Variants in PIGB observed in about 807,000 individuals in gnomAD.
PIGB encodes the protein GPI alpha-1,2-mannosyltransferase 3.
In PIGB, 58 loss-of-function variants were observed where a neutral mutation model predicts 68.4. That is an observed-to-expected ratio of 0.85 (90% CI 0.69 to 1.06). The LOEUF (loss-of-function observed/expected upper bound fraction) is 1.06, where lower values mean the gene tolerates loss of function less well. Among genes scored for constraint, PIGB ranks in the 50% least tolerant of loss-of-function variants. The pLI is 0.00. For missense variants in PIGB, 634 were observed against 655.8 expected (o/e 0.97, Z 0.36); for synonymous variants, 219 against 220.5 (o/e 0.99, Z 0.06).
chr15:55,343,177 T>C (rs1182076375), intron 9 of PIGB: 1 of 152,190 alleles, frequency 6.6e-6, no homozygotes, highest in East Asian at 1.9e-4. Flanking sequence ...TTTTGATACA[T>C]CTGAAGTTCT....
intron 6 of PIGB, among the ~76,000 whole-genome samples, chr15:55,334,336 A>G (rs1358668057): frequency 6.6e-6 from 1 of 152,208 alleles, no homozygotes; most frequent in Non-Finnish European, 1.5e-5. Context: ...GTGTTTTCAC[A>G]TATTACCTCA....
intron 10 of PIGB, chr15:55,351,951 CTT>C (rs551615501): frequency 1.5e-3 from 193 of 126,914 alleles, no homozygotes; most frequent in Middle Eastern, 3.8e-3. Flanking sequence ...AACTAGACTT[CTT>C]TTTTTTTTTT....
chr15:55,336,418 C>A (rs2055537147), intron 6 of PIGB, among the ~76,000 whole-genome samples: 1 of 151,926 alleles, frequency 6.6e-6, no homozygotes. Context: ...AGAAAATATT[C>A]TACGTCAAAA....
At chr15:55,355,073 G>T in intron 11 of PIGB, 95 bp downstream of exon 11, 1 of 1,097,732 alleles carries the variant, frequency 9.1e-7, no homozygotes, top group South Asian at 1.5e-5. Context: ...CCTTTTTATG[G>T]TCTGTTTCAA....
Position 55,355,034 on chromosome 15 carries a change from G to A in PIGB, c.1518+56G>A. ...GTATTTTAATTTTACCCCAGGTTTAGGAAACCCTCAGGTAAATAGATAATA... is the reference window on the plus strand; with the variant it reads ...GTATTTTAATTTTACCCCAGGTTTAAGAAACCCTCAGGTAAATAGATAATA... On this transcript the variant is annotated intron_variant, in intron 11 of 11. Transcript: ENST00000164305. The A allele has an allele frequency of 4.3e-6, 6 of 1,402,538 alleles. 1 individual carries two copies. In the South Asian group the frequency reaches 7.7e-5, roughly 18 times the overall value. The allele number at this position is 1,402,538 out of a possible 1,614,324, so 86.9% of individuals were successfully genotyped here. A position where few individuals can be genotyped will look rare whatever the true frequency, so the allele number is the denominator to read the frequency against.
chr15:55,321,457 T>TGGGGGAGGAGCCAAGATG, intron 3 of PIGB, 67 bp downstream of exon 3: 1 of 1,358,540 alleles, frequency 7.4e-7, no homozygotes, highest in Non-Finnish European at 1.0e-6. Context: ...AGGCTACTGT[T>TGGGGGAGGAGCCAAGATG]GCTGAAGTCC....
chr15:55,321,295 T>C lies in PIGB; in HGVS notation c.322T>C (p.Trp108Arg). ...VFNYGYLTWE[W>R]TERLRSYTYP... ...TAATTATGGTTATTTGACTTGGGAA[T>C]GGACAGAGAGACTGAGGAGTTACAC... Residue 108 changes from tryptophan to arginine, a missense_variant, in exon 3 of 12, where the codon TGG (tryptophan) becomes CGG (arginine). Transcript: ENST00000164305. 1.2e-6 allele frequency: 2 copies of C among 1,604,146 alleles called. No individual in the cohort carries two copies. The highest frequency in any genetic ancestry group is 1.7e-6 in the Non-Finnish European group (2 of 1,174,026).
chr15:55,348,092 G>C (rs2055841423), intron 9 of PIGB, among the ~76,000 whole-genome samples: 1 of 148,458 alleles, frequency 6.7e-6, no homozygotes, highest in South Asian at 2.2e-4. Flanking sequence ...GGGTTCAAGT[G>C]ATTCTCCTGC....
At chr15:55,334,412 C>T (rs1364701893) in intron 6 of PIGB, among the ~76,000 whole-genome samples, 2 of 152,116 alleles carry the variant, frequency 1.3e-5, no homozygotes, top group African/African-American at 4.8e-5. Context: ...AAACAGGAGG[C>T]TCGCAGAAAT....
intron 4 of PIGB, among the ~76,000 whole-genome samples, chr15:55,328,773 C>T (rs1302048772): frequency 6.6e-6 from 1 of 152,178 alleles, no homozygotes; most frequent in Non-Finnish European, 1.5e-5. Flanking sequence ...CGAGACCAGC[C>T]TGGCCAACAC....
chr15:55,347,809 CAAGCATTACCTAACT>C (rs2055829057), intron 9 of PIGB, among the ~76,000 whole-genome samples: 2 of 152,074 alleles, frequency 1.3e-5, no homozygotes, highest in African/African-American at 4.8e-5. Flanking sequence ...TCATGTAAGG[CAAGCATTACCTAACT>C]TAAGAGACGC....
intron 10 of PIGB, among the ~76,000 whole-genome samples, chr15:55,352,747 A>C (rs1296504547): frequency 6.6e-6 from 1 of 152,196 alleles, no homozygotes; most frequent in Admixed American, 6.5e-5. Context: ...ACAGAGCGAG[A>C]CTCAACCTAA....
chr15:55,342,778 T>C (rs2055701147), intron 9 of PIGB, among the ~76,000 whole-genome samples: 1 of 152,240 alleles, frequency 6.6e-6, no homozygotes, highest in African/African-American at 2.4e-5. Flanking sequence ...ATGTATTTTT[T>C]TGTCACTTAC....
At chr15:55,331,049 T>C (rs774982135) in intron 5 of PIGB, among the ~76,000 whole-genome samples, 1 of 152,204 alleles carries the variant, frequency 6.6e-6, no homozygotes, top group African/African-American at 2.4e-5. Flanking sequence ...ATGGACTGTT[T>C]TGTTGTGCCT....
chr15:55,354,575 G>C (rs1006466910), intron 10 of PIGB: 19 of 457,828 alleles, frequency 4.2e-5, no homozygotes, highest in Non-Finnish European at 2.7e-5. Context: ...GCACTAGTTT[G>C]GGCTTATAGG....
chr15:55,332,572 C>T (rs2055442488), intron 5 of PIGB, among the ~76,000 whole-genome samples: 1 of 151,740 alleles, frequency 6.6e-6, no homozygotes, highest in Non-Finnish European at 1.5e-5. Flanking sequence ...AGGGTTTCAC[C>T]ATTTTGGCCA....
rs1375052949 is a variant in PIGB at position 55,355,548 on chromosome 15, A to G, written c.*116A>G. ...AGAAAAAAGCTGTATGAACTGCTTT[A>G]CCAAATATCACTACTGAGGAAATGT... On this transcript the variant is annotated 3_prime_UTR_variant, in exon 12 of 12. Transcript: ENST00000164305. 1 of 727,130 alleles carries G rather than the reference A, an allele frequency of 1.4e-6. No individual in the cohort carries two copies. The highest frequency in any genetic ancestry group is 1.8e-5 in the African/African-American group (1 of 56,218). 45.0% of individuals were successfully genotyped at this position (727,130 alleles called of 1,614,324 possible). A position where few individuals can be genotyped will look rare whatever the true frequency, so the allele number is the denominator to read the frequency against.
chr15:55,326,565 T>C (rs1034823227), intron 3 of PIGB, among the ~76,000 whole-genome samples: 1 of 152,186 alleles, frequency 6.6e-6, no homozygotes, highest in African/African-American at 2.4e-5. Flanking sequence ...AATATAAATA[T>C]ACTTTTAAAA....
chr15:55,347,088 T>G (rs940449929), intron 9 of PIGB, among the ~76,000 whole-genome samples: 5 of 152,270 alleles, frequency 3.3e-5, no homozygotes, highest in Admixed American at 3.3e-4. Flanking sequence ...AAAGATATTT[T>G]CTTTATATGT....
Sources: allele counts gnomAD v4.1 joint callset (sites outside exome capture counted in the v4.1 genomes callset), GRCh38; gene constraint gnomAD v4.1.1; transcripts MANE v1.5; gene names NCBI Gene and HGNC (gene_info 2026-07-23, HGNC 2026-07-21).